The following MVB12B variants were observed in gnomAD, a reference collection of about 807,000 sequenced individuals.
The protein encoded by MVB12B is ESCRT-I complex subunit MVB12B.
Under a neutral mutation model 41.6 loss-of-function variants are expected in MVB12B, and 16 were observed. The ratio of observed to expected loss-of-function variants is 0.38; its 90% CI spans 0.26 to 0.58. The LOEUF (loss-of-function observed/expected upper bound fraction) is 0.58. Among genes scored for constraint, MVB12B ranks in the 20% least tolerant of loss-of-function variants. The pLI, the probability that MVB12B is intolerant of heterozygous loss-of-function variation, is 0.62. For missense variants in MVB12B, 274 were observed against 380.2 expected (o/e 0.72, Z 2.32); for synonymous variants, 133 against 139.7 (o/e 0.95, Z 0.34).
intron 7 of MVB12B, among the ~76,000 whole-genome samples, chr9:126,433,851 C>T (rs1052565627): frequency 2.6e-5 from 4 of 152,106 alleles, no homozygotes; most frequent in African/African-American, 7.2e-5. Flanking sequence ...CCAGCATTGC[C>T]GAGCTCAAGC....
chr9:126,369,872 C>A (rs1174830589), intron 2 of MVB12B, among the ~76,000 whole-genome samples: 1 of 152,072 alleles, frequency 6.6e-6, no homozygotes, highest in Non-Finnish European at 1.5e-5. Flanking sequence ...AGGCTGGTCT[C>A]GAACTCCTGA....
At chr9:126,390,102 G>T (rs1830904212) in intron 4 of MVB12B, among the ~76,000 whole-genome samples, 1 of 152,082 alleles carries the variant, frequency 6.6e-6, no homozygotes, top group Non-Finnish European at 1.5e-5. Context: ...ATGTGCTGTT[G>T]AATGTCTTAC....
rs1006772455 is a variant in MVB12B, at chr9:126,506,011, T to G, written c.*2748T>G. ...CGCCTCCCCTTTCTCTCTGGAAAGT[T>G]GAAGTATCTCCAAAGGCCTTGGAAA... On this transcript the variant is annotated 3_prime_UTR_variant, in exon 10 of 10. Transcript: ENST00000361171. 1 of 152,162 alleles carries G rather than the reference T, an allele frequency of 6.6e-6. No homozygotes were observed. The highest frequency in any genetic ancestry group is 6.5e-5 in the Admixed American group (1 of 15,276). 9.4% of individuals were successfully genotyped at this position (152,162 alleles called of 1,614,324 possible).
rs571877218 is a variant in MVB12B at position 126,332,576 on chromosome 9, C to T, written c.81+5566C>T. 7.9e-5 allele frequency among the ~76,000 whole-genome samples: 12 copies of T among 152,334 alleles called. No individual in the cohort carries two copies. The South Asian group carries it at 1.0e-3, about 13-fold the overall frequency. ...CTTCCCCCGTCCTCTGTAAGTGGCTCACCCCTGGGGTCATGGTGTGTGTCC... is the reference window on the plus strand; with the variant it reads ...CTTCCCCCGTCCTCTGTAAGTGGCTTACCCCTGGGGTCATGGTGTGTGTCC... On this transcript the variant is annotated intron_variant, in intron 1 of 9. Transcript: ENST00000361171.
intron 2 of MVB12B, among the ~76,000 whole-genome samples, chr9:126,355,418 G>A (rs1305240952): frequency 6.6e-6 from 1 of 152,198 alleles, no homozygotes; most frequent in Non-Finnish European, 1.5e-5. Flanking sequence ...CCAGGGCCAG[G>A]GGCATAAACA....
At position 126,340,258 on chromosome 9, in the gene MVB12B, T is replaced by A. The variant is rs1025214127; in HGVS notation, c.82-250T>A. Among the ~76,000 whole-genome samples the A allele has an allele frequency of 2.6e-5, 4 of 152,084 alleles. No individual in the cohort carries two copies. The highest frequency in any genetic ancestry group is 5.9e-5 in the Non-Finnish European group (4 of 68,020). Reference sequence around the variant, plus strand: ...CTCTTGGGTTTGAGTCAAGCTCACCTCCTGAGAGTAGAGACAAGCTCTCAT... The same window carrying A: ...CTCTTGGGTTTGAGTCAAGCTCACCACCTGAGAGTAGAGACAAGCTCTCAT... On this transcript the variant is annotated intron_variant, in intron 1 of 9. Coordinates refer to ENST00000361171, the MANE Select transcript of MVB12B (RefSeq NM_033446.3). This position sits in a 1 kb window ranked among gnomAD's most constrained non-coding sequence, Gnocchi z 4.0.
intron 7 of MVB12B, among the ~76,000 whole-genome samples, chr9:126,429,611 C>T: frequency 6.6e-6 from 1 of 152,232 alleles, no homozygotes. Context: ...TGCATTATTC[C>T]TTTCCTGGGA....
Position 126,480,966 on chromosome 9 carries a change from G to A in MVB12B, c.758-403G>A, listed in dbSNP as rs1833511564. ...GCACCTTAGAGCATGTCTAATGCAC[G>A]TGCTTACTGCCTTCATCTCATTGCA... On this transcript the variant is annotated intron_variant, in intron 7 of 9. Transcript: ENST00000361171. The surrounding 1 kb of genome is among the most constrained non-coding windows in gnomAD (Gnocchi z 4.9). The A allele has an allele frequency of 1.6e-5, 3 of 191,674 alleles. No individual in the cohort carries two copies. Among genetic ancestry groups the A allele is most frequent in the African/African-American group, 2.4e-5 (1 of 42,486 alleles). 11.9% of individuals were successfully genotyped at this position (191,674 alleles called of 1,614,324 possible). A position where few individuals can be genotyped will look rare whatever the true frequency, so the allele number is the denominator to read the frequency against.
chr9:126,457,675 C>T (rs1833010681), intron 7 of MVB12B, among the ~76,000 whole-genome samples: 1 of 152,150 alleles, frequency 6.6e-6, no homozygotes, highest in South Asian at 2.1e-4. Context: ...CCATTTTCTC[C>T]GCATTTTGTC....
At chr9:126,466,039 G>A (rs1280262492) in intron 7 of MVB12B, among the ~76,000 whole-genome samples, 1 of 152,174 alleles carries the variant, frequency 6.6e-6, no homozygotes, top group African/African-American at 2.4e-5. Flanking sequence ...CAAAGATGTA[G>A]CCCCTCCATC....
intron 3 of MVB12B, among the ~76,000 whole-genome samples, 155 bp downstream of exon 3, chr9:126,381,326 CTG>C (rs1199724662): frequency 1.3e-5 from 2 of 152,198 alleles, no homozygotes; most frequent in African/African-American, 4.8e-5. Flanking sequence ...GCAGCCAGCA[CTG>C]TGTTTCATTT....
intron 2 of MVB12B, among the ~76,000 whole-genome samples, chr9:126,380,721 C>T (rs930640213): frequency 2.6e-5 from 4 of 152,340 alleles, no homozygotes; most frequent in Admixed American, 6.5e-5. Flanking sequence ...TTCTTCACCC[C>T]GCACCATCCC....
chr9:126,404,023 G>A (rs374830042), intron 6 of MVB12B, among the ~76,000 whole-genome samples: 3 of 141,032 alleles, frequency 2.1e-5, no homozygotes, highest in Admixed American at 1.5e-4. Context: ...CTGCTATCTC[G>A]GCTCACTGCA....
intron 9 of MVB12B, among the ~76,000 whole-genome samples, chr9:126,498,407 G>A (rs1171948190): frequency 1.3e-5 from 2 of 152,276 alleles, no homozygotes; most frequent in East Asian, 1.9e-4. Context: ...GACTCTTCTC[G>A]TTGGCCCCAG....
intron 7 of MVB12B, among the ~76,000 whole-genome samples, chr9:126,440,133 C>T (rs1484554233): frequency 6.6e-6 from 1 of 152,158 alleles, no homozygotes; most frequent in Non-Finnish European, 1.5e-5. Flanking sequence ...CGAGGGTCAG[C>T]GCGAGCCCCT....
chr9:126,484,310 T>C (rs1284211855), intron 9 of MVB12B, among the ~76,000 whole-genome samples: 3 of 152,258 alleles, frequency 2.0e-5, no homozygotes, highest in Non-Finnish European at 4.4e-5. Flanking sequence ...TTCTCCTTTT[T>C]TAAAAGAAGT....
chr9:126,388,827 A>G (rs1331241589), intron 4 of MVB12B, among the ~76,000 whole-genome samples: 27 of 152,162 alleles, frequency 1.8e-4, no homozygotes, highest in Admixed American at 1.8e-3. Flanking sequence ...CATTTGTATT[A>G]TCTCCTCTGC....
intron 6 of MVB12B, among the ~76,000 whole-genome samples, chr9:126,409,485 G>A (rs1231610182): frequency 6.6e-6 from 1 of 152,166 alleles, no homozygotes; most frequent in South Asian, 2.1e-4. Flanking sequence ...TTAAATTGGG[G>A]GGGGACACAG....
At chr9:126,350,813 T>G (rs932416355) in intron 2 of MVB12B, among the ~76,000 whole-genome samples, 6 of 152,206 alleles carry the variant, frequency 3.9e-5, no homozygotes, top group Non-Finnish European at 7.3e-5. Flanking sequence ...GTTCAAACTA[T>G]AGCAGGTAGA....
Sources: allele counts gnomAD v4.1 joint callset (sites outside exome capture counted in the v4.1 genomes callset), GRCh38; gene constraint gnomAD v4.1.1; non-coding constraint Gnocchi (gnomAD v3.1); transcripts MANE v1.5; gene names NCBI Gene and HGNC (gene_info 2026-07-23, HGNC 2026-07-21).